Variants in ZMYND8 observed in about 807,000 individuals in gnomAD.
ZMYND8 encodes the protein MYND-type zinc finger-containing chromatin reader ZMYND8.
In ZMYND8, 37 loss-of-function variants were observed where a neutral mutation model predicts 140.8. The observed-to-expected ratio is 0.26, with a 90% CI of 0.20 to 0.35. ZMYND8 has a LOEUF of 0.35. Ranked by LOEUF, ZMYND8 falls within the 10% of genes least tolerant of loss-of-function variation. ZMYND8 has a pLI of 1.00. For synonymous variants in ZMYND8, 592 were observed against 597.1 expected, an observed-to-expected ratio of 0.99 and a Z score of 0.12; for missense variants, 1,068 against 1,570.0, an observed-to-expected ratio of 0.68 and a Z score of 5.40.
At chr20:47,328,748 G>A (rs369419029) in intron 2 of ZMYND8, among the ~76,000 whole-genome samples, 3 of 152,136 alleles carry the variant, frequency 2.0e-5, no homozygotes, top group Non-Finnish European at 4.4e-5. Context: ...ATGAGCCACC[G>A]TGCCTGGCCA....
chr20:47,252,495 G>A (rs1330226370), intron 12 of ZMYND8, among the ~76,000 whole-genome samples: 2 of 151,808 alleles, frequency 1.3e-5, no homozygotes, highest in Non-Finnish European at 2.9e-5. Flanking sequence ...AGATGGAAAC[G>A]TATACTCACA....
chr20:47,298,968 C>G lies in ZMYND8; in HGVS notation c.235-21G>C. 6.2e-7 allele frequency: 1 copy of G among 1,610,600 alleles called. No individual in the cohort carries two copies. Among genetic ancestry groups the G allele is most frequent in the Non-Finnish European group, 8.5e-7 (1 of 1,176,876 alleles). On this transcript the variant is annotated intron_variant, in intron 3 of 22. Coordinates refer to ENST00000471951, the MANE Select transcript of ZMYND8 (RefSeq NM_001281775.3). This position sits in a 1 kb window ranked among gnomAD's most constrained non-coding sequence, Gnocchi z 5.0. ...TCTGACTGAAATGTAGGCAAAAAGACAGGTTTGGTTTCAAAACAAATGTGC... is the reference window on the plus strand; with the variant it reads ...TCTGACTGAAATGTAGGCAAAAAGAGAGGTTTGGTTTCAAAACAAATGTGC...
At chr20:47,273,732 A>C (rs1311299832) in intron 11 of ZMYND8, among the ~76,000 whole-genome samples, 1 of 152,104 alleles carries the variant, frequency 6.6e-6, no homozygotes, top group East Asian at 1.9e-4. Context: ...TCCTAGGCTT[A>C]ATTGATCCTC....
chr20:47,240,950 C>T (rs960441630), intron 14 of ZMYND8, among the ~76,000 whole-genome samples: 2 of 152,260 alleles, frequency 1.3e-5, no homozygotes, highest in Admixed American at 6.5e-5. Context: ...TGGGACTACA[C>T]GGGACGTGCT....
chr20:47,332,782 A>G (rs954995464), intron 2 of ZMYND8, among the ~76,000 whole-genome samples: 1 of 152,106 alleles, frequency 6.6e-6, no homozygotes, highest in African/African-American at 2.4e-5. Context: ...TTACCCTATG[A>G]CCCCACAATT....
chr20:47,255,476 A>C (rs2074525562), intron 12 of ZMYND8, among the ~76,000 whole-genome samples: 1 of 150,846 alleles, frequency 6.6e-6, no homozygotes, highest in Admixed American at 6.6e-5. Flanking sequence ...TGGGAAGCCG[A>C]GGTGGAGATA....
intron 3 of ZMYND8, among the ~76,000 whole-genome samples, chr20:47,301,228 C>A (rs2078024339): frequency 6.7e-6 from 1 of 149,324 alleles, no homozygotes; most frequent in African/African-American, 2.5e-5. Flanking sequence ...GATCTCGGCT[C>A]ACTGCAACCT....
chr20:47,236,662 A>G (rs777276929), intron 15 of ZMYND8, 146 bp from the exon 16 acceptor site: 28 of 835,768 alleles, frequency 3.4e-5, no homozygotes, highest in Non-Finnish European at 4.9e-5. Context: ...ACCAAACTCT[A>G]TCCAGGTTTC....
chr20:47,335,540 T>C (rs761883699), intron 2 of ZMYND8, among the ~76,000 whole-genome samples: 1 of 152,116 alleles, frequency 6.6e-6, no homozygotes, highest in African/African-American at 2.4e-5. Context: ...CAATAAAAAG[T>C]ACCCAGATCT....
intron 18 of ZMYND8, among the ~76,000 whole-genome samples, chr20:47,226,151 T>TAAA (rs3092455): frequency 3.6e-4 from 47 of 132,210 alleles, no homozygotes; most frequent in Non-Finnish European, 5.7e-4. Context: ...GACTCTGTCT[T>TAAA]AAAAAAAAAA....
intron 11 of ZMYND8, among the ~76,000 whole-genome samples, chr20:47,264,487 G>A (rs1375384138): frequency 6.6e-6 from 1 of 152,096 alleles, no homozygotes; most frequent in Non-Finnish European, 1.5e-5. Flanking sequence ...ATGTTGGCCA[G>A]GCTGGTCTGG....
intron 2 of ZMYND8, among the ~76,000 whole-genome samples, chr20:47,313,413 G>C (rs1195134354): frequency 6.6e-5 from 10 of 150,974 alleles, no homozygotes; most frequent in East Asian, 5.9e-4. Flanking sequence ...ACAAAGTCAG[G>C]AGATCGAGAC....
rs774864953 is a variant in ZMYND8 at position 47,246,000 on chromosome 20, T to C, written c.2284+8A>G. ...TTAAGAAAACTGGAAACAGATACAATCACTTACCATCCTGTTTGGGAGATG... is the reference window on the plus strand; with the variant it reads ...TTAAGAAAACTGGAAACAGATACAACCACTTACCATCCTGTTTGGGAGATG... On this transcript the variant is annotated splice_region_variant and intron_variant, in intron 14 of 22. Coordinates refer to ENST00000471951, the MANE Select transcript of ZMYND8 (RefSeq NM_001281775.3). 3 of 1,570,540 alleles carry C rather than the reference T, an allele frequency of 1.9e-6. No individual in the cohort carries two copies. The African/African-American group carries it at 4.1e-5, about 22-fold the overall frequency.
chr20:47,255,722 G>GTATATATATA (rs369654557), intron 12 of ZMYND8, among the ~76,000 whole-genome samples: 7 of 77,764 alleles, frequency 9.0e-5, no homozygotes, highest in Admixed American at 3.4e-4. Context: ...GTGTATGTGT[G>GTATATATATA]TATATATATA....
chr20:47,311,211 C>G (rs1012484396), intron 2 of ZMYND8, among the ~76,000 whole-genome samples: 3 of 152,148 alleles, frequency 2.0e-5, no homozygotes, highest in Non-Finnish European at 4.4e-5. Context: ...TGTTTGAGAC[C>G]CTCCTCCAAA....
intron 16 of ZMYND8, among the ~76,000 whole-genome samples, chr20:47,235,129 G>A (rs148984788): frequency 1.3e-5 from 2 of 152,164 alleles, no homozygotes; most frequent in Non-Finnish European, 2.9e-5. Flanking sequence ...AATCTCAGTA[G>A]ATTATAAATC....
rs1344719392 is a variant in ZMYND8 at position 47,220,340 on chromosome 20, G to C, written c.3418-16C>G. 5.8e-6 allele frequency: 9 copies of C among 1,549,260 alleles called. No individual in the cohort carries two copies. Among genetic ancestry groups the C allele is most frequent in the East Asian group, 2.4e-5 (1 of 41,058 alleles). Reference sequence around the variant, plus strand: ...GGTCAAGGGTCTAGAAATACAAAAAGAAAAAGATGGACTCAAGGCACTGAG... The same window carrying C: ...GGTCAAGGGTCTAGAAATACAAAAACAAAAAGATGGACTCAAGGCACTGAG... On this transcript the variant is annotated splice_polypyrimidine_tract_variant and intron_variant, in intron 20 of 22. Transcript: ENST00000471951.
At chr20:47,352,678 A>G (rs559566375) in intron 1 of ZMYND8, 1 of 403,016 alleles carries the variant, frequency 2.5e-6, no homozygotes, top group East Asian at 1.6e-4. Context: ...CCAGGGGAGA[A>G]AGGAGGGCAC....
intron 2 of ZMYND8, among the ~76,000 whole-genome samples, chr20:47,311,572 G>A (rs1008283358): frequency 7.2e-5 from 11 of 152,140 alleles, no homozygotes; most frequent in African/African-American, 2.7e-4. Flanking sequence ...CTTTTCCACT[G>A]TATTTGTAGA....
Sources: allele counts gnomAD v4.1 joint callset (sites outside exome capture counted in the v4.1 genomes callset), GRCh38; gene constraint gnomAD v4.1.1; non-coding constraint Gnocchi (gnomAD v3.1); transcripts MANE v1.5; gene names NCBI Gene and HGNC (gene_info 2026-07-23, HGNC 2026-07-21).